The following NPAS2 variants were observed in gnomAD, a reference collection of about 807,000 sequenced individuals.
NPAS2 encodes neuronal PAS domain-containing protein 2.
Under a neutral mutation model 107.5 loss-of-function variants are expected in NPAS2, and 23 were observed. That is an observed-to-expected ratio of 0.21 (90% CI 0.15 to 0.30). NPAS2 has a LOEUF of 0.30. Among genes scored for constraint, NPAS2 ranks in the 10% least tolerant of loss-of-function variants. The probability of loss-of-function intolerance (pLI) is 1.00; values close to 1 mark genes in which losing one functional copy is unlikely to be tolerated. For synonymous variants in NPAS2, 403 were observed against 417.5 expected, an observed-to-expected ratio of 0.97 and a Z score of 0.42; for missense variants, 756 against 1,043.3, an observed-to-expected ratio of 0.72 and a Z score of 3.79.
intron 1 of NPAS2, among the ~76,000 whole-genome samples, chr2:100,839,535 T>C (rs929375749): frequency 2.6e-5 from 4 of 152,194 alleles, no homozygotes; most frequent in Non-Finnish European, 5.9e-5. Context: ...GCTTAGTTTA[T>C]TTTAAGAATA....
intron 1 of NPAS2, among the ~76,000 whole-genome samples, chr2:100,826,336 G>A (rs1422810506): frequency 5.3e-5 from 8 of 152,188 alleles, no homozygotes; most frequent in Non-Finnish European, 1.5e-5. Context: ...TGGCTACTCA[G>A]GAGGCTGAGG....
intron 2 of NPAS2, among the ~76,000 whole-genome samples, chr2:100,921,964 A>G (rs775900597): frequency 5.9e-5 from 9 of 152,228 alleles, no homozygotes; most frequent in Non-Finnish European, 1.2e-4. Context: ...AATGCTAGTC[A>G]TCAGGAAAAA....
chr2:100,920,435 G>A (rs2104864329), intron 2 of NPAS2, among the ~76,000 whole-genome samples: 2 of 152,198 alleles, frequency 1.3e-5, no homozygotes, highest in Admixed American at 1.3e-4. Flanking sequence ...AAGGGTACTG[G>A]AAGGTAACCT....
At chr2:100,963,517 G>A (rs74509671) in intron 7 of NPAS2, among the ~76,000 whole-genome samples, 14,969 of 152,148 alleles carry the variant, frequency 0.098, 1,421 homozygotes, top group East Asian at 0.41. Context: ...GTGATTCTCA[G>A]CCTCCCAAGC....
intron 7 of NPAS2, among the ~76,000 whole-genome samples, chr2:100,957,711 T>C (rs999801531): frequency 6.6e-6 from 1 of 151,900 alleles, no homozygotes; most frequent in African/African-American, 2.4e-5. Flanking sequence ...CGGATCACGA[T>C]GTCAGGAGAT....
Position 100,968,388 on chromosome 2 carries a change from T to G in NPAS2, c.1015T>G (p.Ser339Ala), listed in dbSNP as rs546315759. ...HYYITYHQWNSKPEFIVCTHS... is the reference protein window; with the variant it reads ...HYYITYHQWNAKPEFIVCTHS... ...CTACATCACCTACCATCAGTGGAAC[T>G]CCAAGCCCGAGTTCATCGTGTGCAC... The change falls in exon 11 of 21, where the codon TCC becomes GCC. Residue 339 changes from serine (S) to alanine (A), a missense_variant. By Grantham distance (99) the Ser-to-Ala change is moderately conservative. This residue lies in a region of NPAS2 where 84 missense variants were observed against 175.5 expected (regional missense o/e 0.48). Coordinates refer to ENST00000335681, the MANE Select transcript of NPAS2 (RefSeq NM_002518.4). The surrounding 1 kb of genome is among the most constrained non-coding windows in gnomAD (Gnocchi z 5.3). 6.2e-7 allele frequency: 1 copy of G among 1,613,900 alleles called. No homozygotes were observed. Among genetic ancestry groups the G allele is most frequent in the Non-Finnish European group, 8.5e-7 (1 of 1,179,980 alleles).
chr2:100,919,660 G>A (rs888794753), intron 2 of NPAS2, among the ~76,000 whole-genome samples: 1 of 152,150 alleles, frequency 6.6e-6, no homozygotes. Flanking sequence ...AGACCAGGTT[G>A]CTTGGCCTAC....
intron 1 of NPAS2, among the ~76,000 whole-genome samples, chr2:100,893,173 A>T (rs1681188701): frequency 6.6e-6 from 1 of 152,202 alleles, no homozygotes; most frequent in Admixed American, 6.5e-5. Context: ...TGTTGCTCAA[A>T]GGCTTTTTAT....
chr2:100,884,539 C>T (rs1680575956), intron 1 of NPAS2, among the ~76,000 whole-genome samples: 1 of 152,162 alleles, frequency 6.6e-6, no homozygotes, highest in African/African-American at 2.4e-5. Flanking sequence ...GACATACATG[C>T]TCTCGCACAC....
At chr2:100,877,158 T>C (rs1680022489) in intron 1 of NPAS2, among the ~76,000 whole-genome samples, 2 of 152,120 alleles carry the variant, frequency 1.3e-5, no homozygotes, top group African/African-American at 4.8e-5. Flanking sequence ...CTCCTGGGAA[T>C]TGCTGTATTT....
At chr2:100,988,620 C>T (rs1285129359) in intron 17 of NPAS2, 1 of 349,248 alleles carries the variant, frequency 2.9e-6, no homozygotes, top group African/African-American at 2.1e-5. Context: ...AGCTGAATGT[C>T]CCAACACTCA....
intron 5 of NPAS2, among the ~76,000 whole-genome samples, chr2:100,943,848 A>G (rs1674727557): frequency 6.6e-6 from 1 of 152,094 alleles, no homozygotes; most frequent in African/African-American, 2.4e-5. Flanking sequence ...GGCCCTTCCA[A>G]TTTTACCAGA....
rs368842258 is a variant in NPAS2 at position 100,868,050 on chromosome 2, A to G, written c.-22-36683A>G. ...GACCTTAGAATGATTTATTACTTAC[A>G]TGTTACTGTTATCCAGTATTATTTT... On this transcript the variant is annotated intron_variant, in intron 1 of 20. Transcript: ENST00000335681. Among the ~76,000 whole-genome samples the G allele has an allele frequency of 7.4e-4, 113 of 152,284 alleles. 2 individuals carry two copies. Among genetic ancestry groups the G allele is most frequent in the African/African-American group, 2.5e-3 (105 of 41,566 alleles).
intron 1 of NPAS2, among the ~76,000 whole-genome samples, chr2:100,876,106 A>G (rs1679950652): frequency 3.9e-5 from 6 of 152,162 alleles, no homozygotes; most frequent in Admixed American, 3.9e-4. Flanking sequence ...AAATGAGAGC[A>G]GGCCTTCTCA....
At chr2:100,931,648 G>A (rs925387421) in intron 3 of NPAS2, among the ~76,000 whole-genome samples, 1 of 151,886 alleles carries the variant, frequency 6.6e-6, no homozygotes, top group Admixed American at 6.6e-5. Flanking sequence ...CACCACTCCC[G>A]GCTAATATTT....
At chr2:100,926,907 T>A (rs369038145) in intron 3 of NPAS2, among the ~76,000 whole-genome samples, 96 of 151,892 alleles carry the variant, frequency 6.3e-4, no homozygotes, top group African/African-American at 2.1e-3. Flanking sequence ...TGTTTTCTTC[T>A]AAAAGGTTTA....
intron 2 of NPAS2, among the ~76,000 whole-genome samples, chr2:100,914,170 G>GGT (rs148172357): frequency 6.6e-6 from 1 of 152,112 alleles, no homozygotes; most frequent in Non-Finnish European, 1.5e-5. Flanking sequence ...TATGGGTGTG[G>GGT]GTGTGTGTGT....
intron 1 of NPAS2, among the ~76,000 whole-genome samples, chr2:100,891,126 G>A (rs1243917364): frequency 6.6e-6 from 1 of 151,986 alleles, no homozygotes; most frequent in Non-Finnish European, 1.5e-5. Flanking sequence ...CAGCTACTCG[G>A]GAGGCTGAGG....
intron 1 of NPAS2, among the ~76,000 whole-genome samples, chr2:100,891,495 T>C (rs2104698645): frequency 6.6e-6 from 1 of 152,234 alleles, no homozygotes; most frequent in East Asian, 1.9e-4. Flanking sequence ...GGGGAGGCAA[T>C]TAACCAGATG....
Sources: gnomAD v4.1 joint callset for allele counts (sites outside exome capture counted in the v4.1 genomes callset) on GRCh38, gnomAD v4.1.1 for gene constraint, gnomAD v4.1.1 regional missense constraint, Gnocchi (gnomAD v3.1) non-coding constraint, MANE v1.5 for transcripts, NCBI Gene and HGNC (gene_info 2026-07-23, HGNC 2026-07-21) for gene names.